Variants in ARHGEF7 observed in about 807,000 individuals in gnomAD.
The protein encoded by ARHGEF7 is PAK-interacting exchange factor beta.
A neutral mutation model predicts 109.8 loss-of-function variants in ARHGEF7; 33 were observed. That is an observed-to-expected ratio of 0.30 (90% confidence interval 0.23 to 0.40). The LOEUF (loss-of-function observed/expected upper bound fraction) is 0.40, where lower values mean the gene tolerates loss of function less well. Ranked by LOEUF, ARHGEF7 falls within the 10% of genes least tolerant of loss-of-function variation. The pLI, the probability that ARHGEF7 is intolerant of heterozygous loss-of-function variation, is 1.00. For synonymous variants in ARHGEF7, 458 were observed against 424.6 expected, an observed-to-expected ratio of 1.08 and a Z score of -0.97; for missense variants, 938 against 1,098.5, an observed-to-expected ratio of 0.85 and a Z score of 2.07.
chr13:111,260,060 A>G (rs1410446328), intron 8 of ARHGEF7, among the ~76,000 whole-genome samples: 3 of 152,186 alleles, frequency 2.0e-5, no homozygotes, highest in Non-Finnish European at 2.9e-5. Flanking sequence ...CTAAAAATAC[A>G]CAGAAGAGAC....
At chr13:111,257,768 A>G (rs2153569523) in intron 8 of ARHGEF7, among the ~76,000 whole-genome samples, 1 of 152,370 alleles carries the variant, frequency 6.6e-6, no homozygotes, top group Admixed American at 6.5e-5. Context: ...AAACCTGTGC[A>G]CTTCGGAGAG....
Position 111,304,455 on chromosome 13 carries a change from G to A in ARHGEF7, c.*1342G>A, listed in dbSNP as rs1408995562. 2.7e-5 allele frequency: 4 copies of A among 150,872 alleles called. No homozygotes were observed. The East Asian group carries it at 7.9e-4, about 30-fold the overall frequency. The allele number at this position is 150,872 out of a possible 1,614,324, so 9.3% of individuals were successfully genotyped here. ...TGAGATACACTTTTCCGTAGAACAA[G>A]TGTTCTATCTTTAAAAACCCAAATT... is the stretch of plus-strand genomic sequence containing the variant. On this transcript the variant is annotated 3_prime_UTR_variant, in exon 22 of 22. Transcript: ENST00000646102.
intron 2 of ARHGEF7, among the ~76,000 whole-genome samples, chr13:111,173,307 T>C (rs2077773315): frequency 6.6e-6 from 1 of 152,204 alleles, no homozygotes; most frequent in African/African-American, 2.4e-5. Flanking sequence ...GGTGGTGTGC[T>C]TGGCTAGCTT....
intron 16 of ARHGEF7, among the ~76,000 whole-genome samples, chr13:111,284,905 G>A (rs2092955214): frequency 6.6e-6 from 1 of 152,230 alleles, no homozygotes. Flanking sequence ...GCTCTTCAAG[G>A]CTCTCCATCT....
chr13:111,195,824 C>T (rs949156793), intron 2 of ARHGEF7, among the ~76,000 whole-genome samples: 1 of 152,210 alleles, frequency 6.6e-6, no homozygotes. Context: ...CATTTTCTGT[C>T]TTCTCTGAAC....
intron 5 of ARHGEF7, among the ~76,000 whole-genome samples, chr13:111,221,239 A>C (rs1238915167): frequency 6.2e-4 from 25 of 40,242 alleles, no homozygotes; most frequent in Non-Finnish European, 7.4e-4. Context: ...ATATAGATAT[A>C]TATGTCTATA....
intron 8 of ARHGEF7, among the ~76,000 whole-genome samples, chr13:111,261,456 A>G (rs1310315784): frequency 6.6e-6 from 1 of 152,212 alleles, no homozygotes; most frequent in East Asian, 1.9e-4. Flanking sequence ...GCACCCAGAT[A>G]ATATAAAGCA....
chr13:111,238,837 C>T (rs1339968242), intron 6 of ARHGEF7, among the ~76,000 whole-genome samples: 1 of 152,120 alleles, frequency 6.6e-6, no homozygotes, highest in Admixed American at 6.5e-5. Context: ...CAGCGATATA[C>T]ACTATGGTTT....
chr13:111,133,144 CAT>C (rs2074863810), intron 1 of ARHGEF7, among the ~76,000 whole-genome samples: 1 of 151,952 alleles, frequency 6.6e-6, no homozygotes, highest in Non-Finnish European at 1.5e-5. Context: ...CATATGTACA[CAT>C]GTGCACGTGT....
intron 1 of ARHGEF7, among the ~76,000 whole-genome samples, chr13:111,121,649 G>A (rs1002968627): frequency 1.3e-5 from 2 of 152,206 alleles, no homozygotes; most frequent in East Asian, 1.9e-4. Context: ...CTTTGGGCAC[G>A]CAACTCTACC....
intron 3 of ARHGEF7, among the ~76,000 whole-genome samples, chr13:111,206,737 G>A (rs1043276841): frequency 2.6e-5 from 4 of 151,930 alleles, no homozygotes; most frequent in Non-Finnish European, 5.9e-5. Context: ...CGAGGCGGGC[G>A]GATCACGAGG....
At chr13:111,268,562 G>C (rs1461428831) in intron 9 of ARHGEF7, among the ~76,000 whole-genome samples, 2 of 152,206 alleles carry the variant, frequency 1.3e-5, no homozygotes. Context: ...GTGAACAGGT[G>C]TTGGTTGCCT....
At chr13:111,287,703 A>G (rs1262189846) in intron 17 of ARHGEF7, among the ~76,000 whole-genome samples, 1 of 152,104 alleles carries the variant, frequency 6.6e-6, no homozygotes, top group African/African-American at 2.4e-5. Flanking sequence ...GGTTGCAGAG[A>G]CCCTGAGCAG....
intron 2 of ARHGEF7, among the ~76,000 whole-genome samples, chr13:111,192,175 A>G (rs1244754422): frequency 1.3e-5 from 2 of 151,992 alleles, no homozygotes; most frequent in Non-Finnish European, 2.9e-5. Context: ...TCCTGAGCTG[A>G]TGGTCCTGCA....
intron 9 of ARHGEF7, among the ~76,000 whole-genome samples, chr13:111,268,271 A>G (rs756015807): frequency 6.6e-6 from 1 of 152,116 alleles, no homozygotes; most frequent in Non-Finnish European, 1.5e-5. Flanking sequence ...TTGTTTGAGG[A>G]TTGGCTTGGA....
intron 5 of ARHGEF7, among the ~76,000 whole-genome samples, chr13:111,220,193 C>T (rs2083647771): frequency 6.6e-6 from 1 of 152,204 alleles, no homozygotes; most frequent in Admixed American, 6.5e-5. Context: ...TGAGGTGGCG[C>T]CAGTGGACTT....
intron 8 of ARHGEF7, among the ~76,000 whole-genome samples, chr13:111,263,701 C>T (rs1049357682): frequency 6.6e-6 from 1 of 152,196 alleles, no homozygotes; most frequent in African/African-American, 2.4e-5. Flanking sequence ...AGGGTCCTGT[C>T]ATTCTAGAAG....
chr13:111,248,374 G>T (rs2089246864), intron 8 of ARHGEF7, among the ~76,000 whole-genome samples: 1 of 152,082 alleles, frequency 6.6e-6, no homozygotes, highest in Non-Finnish European at 1.5e-5. Flanking sequence ...ATTATCTCGG[G>T]TGTGGTTTTC....
chr13:111,137,697 A>C (rs1244809239), intron 1 of ARHGEF7, among the ~76,000 whole-genome samples: 1 of 152,218 alleles, frequency 6.6e-6, no homozygotes, highest in Non-Finnish European at 1.5e-5. Context: ...ATAAAAAAGA[A>C]TATGTTTTTT....
Sources: allele counts gnomAD v4.1 joint callset (sites outside exome capture counted in the v4.1 genomes callset), GRCh38; gene constraint gnomAD v4.1.1; transcripts MANE v1.5; gene names NCBI Gene and HGNC (gene_info 2026-07-23, HGNC 2026-07-21).